Variants in CTDSPL observed in about 807,000 individuals in gnomAD.
CTDSPL encodes CTD small phosphatase like.
In CTDSPL, 8 loss-of-function variants were observed where a neutral mutation model predicts 30.5. The observed-to-expected ratio is 0.26, with a 90% CI of 0.15 to 0.47. The LOEUF (loss-of-function observed/expected upper bound fraction) is 0.47, where lower values mean the gene tolerates loss of function less well. Ranked by LOEUF, CTDSPL falls within the 20% of genes least tolerant of loss-of-function variation. CTDSPL has a pLI of 0.99. For missense variants in CTDSPL, 248 were observed against 366.1 expected, an observed-to-expected ratio of 0.68 and a Z score of 2.63; for synonymous variants, 110 against 137.9, an observed-to-expected ratio of 0.80 and a Z score of 1.42.
rs1368457250 is a variant in CTDSPL, at chr3:37,862,098, G to T, written c.-102G>T. 3.7e-6 allele frequency: 1 copy of T among 267,054 alleles called. No individual in the cohort carries two copies. Among genetic ancestry groups the T allele is most frequent in the African/African-American group, 2.4e-5 (1 of 41,302 alleles). The allele number at this position is 267,054 out of a possible 1,614,324, so 16.5% of individuals were successfully genotyped here. A position where few individuals can be genotyped will look rare whatever the true frequency, so the allele number is the denominator to read the frequency against. On this transcript the variant is annotated 5_prime_UTR_variant, in exon 1 of 8. Coordinates refer to ENST00000273179, the MANE Select transcript of CTDSPL (RefSeq NM_001008392.2). This position sits in a 1 kb window ranked among gnomAD's most constrained non-coding sequence, Gnocchi z 4.3. The stretch of plus-strand genomic sequence containing the variant: ...GCGGGCGCGCCCAGGCAGCGGCTGC[G>T]AGCGCCCCCCCGCGCCGCGCCCCCG...
intron 1 of CTDSPL, among the ~76,000 whole-genome samples, chr3:37,889,258 A>G (rs1394732425): frequency 6.6e-6 from 1 of 152,134 alleles, no homozygotes; most frequent in African/African-American, 2.4e-5. Flanking sequence ...ACATAACACG[A>G]TCTGACCTCA....
chr3:37,926,630 A>C (rs547697184), intron 1 of CTDSPL, among the ~76,000 whole-genome samples: 2 of 152,224 alleles, frequency 1.3e-5, no homozygotes, highest in African/African-American at 4.8e-5. Context: ...CTGGCTTACT[A>C]CTTTAACAAA....
Position 37,947,125 on chromosome 3 carries a change from T to A in CTDSPL, c.148T>A (p.Phe50Ile). The change falls in exon 2 of 8, where the codon TTC (phenylalanine) becomes ATC (isoleucine). Residue 50 changes from phenylalanine (F) to isoleucine (I), a missense_variant. Physicochemically the swap from Phe to Ile is conservative, Grantham distance 21 (BLOSUM62 0). Around this residue, in one of 4 missense-constraint regions of CTDSPL, gnomAD observed 118 missense variants for 124.7 expected, o/e 0.95. Transcript: ENST00000273179. ...CATCCTTAGCTCCTTCTTCTGCTGC[T>A]TCCGTGATTACAATGTGGAGGCCCC... ...RSILSSFFCC[F>I]RDYNVEAPPP... 6.2e-7 allele frequency: 1 copy of A among 1,613,672 alleles called. No individual in the cohort carries two copies. Among genetic ancestry groups the A allele is most frequent in the Non-Finnish European group, 8.5e-7 (1 of 1,180,004 alleles).
At chr3:37,968,327 T>C in intron 5 of CTDSPL, 1 of 427,480 alleles carries the variant, frequency 2.3e-6, no homozygotes, top group South Asian at 1.7e-5. Flanking sequence ...TGCATCGTTT[T>C]CTCCAGAGAA....
At chr3:37,922,812 C>T (rs1422416795) in intron 1 of CTDSPL, among the ~76,000 whole-genome samples, 1 of 152,164 alleles carries the variant, frequency 6.6e-6, no homozygotes, top group African/African-American at 2.4e-5. Flanking sequence ...CCTTGCCACT[C>T]CTGGTCTGAA....
chr3:37,977,776 C>T (rs139806073), intron 7 of CTDSPL, among the ~76,000 whole-genome samples: 1 of 151,670 alleles, frequency 6.6e-6, no homozygotes, highest in East Asian at 1.9e-4. Context: ...GTTCCACTGT[C>T]GTTCCAGCTA....
chr3:37,911,701 G>A lies in CTDSPL; in HGVS notation c.80-35356G>A, dbSNP rs577838245. On this transcript the variant is annotated intron_variant, in intron 1 of 7. Coordinates refer to ENST00000273179, the MANE Select transcript of CTDSPL (RefSeq NM_001008392.2). ...CTCTTTCTGAGAAGGGCAAGAAGAC[G>A]AGTGGCAGAAGAATCAGAAAGTTGT... 14 of 456,556 alleles carry A rather than the reference G, an allele frequency of 3.1e-5. 1 individual carries two copies. Among genetic ancestry groups the A allele is most frequent in the East Asian group, 2.1e-4 (3 of 14,392 alleles). The allele number at this position is 456,556 out of a possible 1,614,324, so 28.3% of individuals were successfully genotyped here. A position where few individuals can be genotyped will look rare whatever the true frequency, so the allele number is the denominator to read the frequency against.
chr3:37,920,749 A>G (rs1400602759), intron 1 of CTDSPL, among the ~76,000 whole-genome samples: 1 of 152,268 alleles, frequency 6.6e-6, no homozygotes, highest in Non-Finnish European at 1.5e-5. Context: ...ACCTTCACCC[A>G]TAGTAGTGCT....
rs749878841 is a variant in CTDSPL at position 37,942,830 on chromosome 3, C to T, written c.80-4227C>T. ...TACTGTTGCTGGTTGAGCCAGATTT[C>T]GCACCTAGGCAAGTTGGCATTGGAG... On this transcript the variant is annotated intron_variant, in intron 1 of 7. Coordinates refer to ENST00000273179, the MANE Select transcript of CTDSPL (RefSeq NM_001008392.2). Among the ~76,000 whole-genome samples the T allele has an allele frequency of 5.3e-5, 8 of 150,438 alleles. No homozygotes were observed. The South Asian group carries it at 1.7e-3, about 32-fold the overall frequency.
intron 1 of CTDSPL, among the ~76,000 whole-genome samples, chr3:37,916,409 C>G (rs899461391): frequency 6.6e-6 from 1 of 152,068 alleles, no homozygotes; most frequent in African/African-American, 2.4e-5. Context: ...CCTAGTACTT[C>G]AAAATGTTAC....
chr3:37,890,800 G>A (rs746411183), intron 1 of CTDSPL, among the ~76,000 whole-genome samples: 5 of 152,128 alleles, frequency 3.3e-5, no homozygotes, highest in Non-Finnish European at 5.9e-5. Context: ...AGTTTCAGAT[G>A]AGGTTATAAG....
At chr3:37,874,104 C>T (rs1201174789) in intron 1 of CTDSPL, among the ~76,000 whole-genome samples, 1 of 152,208 alleles carries the variant, frequency 6.6e-6, no homozygotes, top group Non-Finnish European at 1.5e-5. Context: ...GGTGCGTAGA[C>T]AGGGCTTGCT....
intron 2 of CTDSPL, among the ~76,000 whole-genome samples, chr3:37,948,145 A>G (rs1268837364): frequency 6.6e-6 from 1 of 152,078 alleles, no homozygotes; most frequent in East Asian, 1.9e-4. Context: ...TTAGCCAGGC[A>G]TGGTGGTGGG....
At chr3:37,882,044 A>T (rs534910616) in intron 1 of CTDSPL, among the ~76,000 whole-genome samples, 2 of 152,330 alleles carry the variant, frequency 1.3e-5, no homozygotes, top group East Asian at 3.9e-4. Flanking sequence ...GTGGTGGCTC[A>T]CGCCTGTAGT....
intron 1 of CTDSPL, among the ~76,000 whole-genome samples, chr3:37,941,823 G>T (rs1452130165): frequency 2.7e-5 from 4 of 150,378 alleles, no homozygotes; most frequent in African/African-American, 4.8e-5. Flanking sequence ...GAGACTGCTG[G>T]GTCAGCTAGC....
intron 1 of CTDSPL, among the ~76,000 whole-genome samples, chr3:37,931,569 A>C (rs1698855524): frequency 6.6e-6 from 1 of 151,908 alleles, no homozygotes; most frequent in South Asian, 2.1e-4. Context: ...TTTATCTTAC[A>C]GTTCTTTTGT....
Position 37,975,861 on chromosome 3 carries a change from C to G in CTDSPL, c.672C>G (p.Ser224=). 6.2e-7 allele frequency: 1 copy of G among 1,614,118 alleles called. No homozygotes were observed. The highest frequency in any genetic ancestry group is 8.5e-7 in the Non-Finnish European group (1 of 1,179,988). The change falls in exon 7 of 8, where the codon TCC becomes TCG. Residue 224 remains serine, a synonymous_variant. Transcript: ENST00000273179. This position sits in a 1 kb window ranked among gnomAD's most constrained non-coding sequence, Gnocchi z 4.9. ...ELSKVIIVDN[S]PASYIFHPEN... ...GCAAAGTGATCATTGTTGACAATTCCCCTGCCTCATACATCTTCCATCCTG... is the reference window on the plus strand; with the variant it reads ...GCAAAGTGATCATTGTTGACAATTCGCCTGCCTCATACATCTTCCATCCTG...
intron 1 of CTDSPL, among the ~76,000 whole-genome samples, chr3:37,906,025 G>T (rs1439041126): frequency 1.3e-5 from 2 of 152,200 alleles, no homozygotes; most frequent in Admixed American, 6.5e-5. Flanking sequence ...CAGAGGCGCA[G>T]TACCTTTCAA....
chr3:37,953,978 CAG>C (rs1180271633), intron 2 of CTDSPL, among the ~76,000 whole-genome samples: 1 of 152,144 alleles, frequency 6.6e-6, no homozygotes, highest in African/African-American at 2.4e-5. Context: ...CAAATCATAA[CAG>C]ATTTTGATTT....
Sources: gnomAD v4.1 joint callset for allele counts (sites outside exome capture counted in the v4.1 genomes callset) on GRCh38, gnomAD v4.1.1 for gene constraint, gnomAD v4.1.1 regional missense constraint, Gnocchi (gnomAD v3.1) non-coding constraint, MANE v1.5 for transcripts, NCBI Gene and HGNC (gene_info 2026-07-23, HGNC 2026-07-21) for gene names.